TIAM1: variants seen among roughly 807,000 people sequenced by gnomAD.
TIAM1 encodes TIAM Rac1 associated GEF 1.
A neutral mutation model predicts 163.5 loss-of-function variants in TIAM1; 65 were observed. The ratio of observed to expected loss-of-function variants is 0.40; its 90% CI spans 0.33 to 0.49. The LOEUF is 0.49. TIAM1 is among the 20% of genes least tolerant of loss of function. The pLI, the probability that TIAM1 is intolerant of heterozygous loss-of-function variation, is 0.77. For missense variants in TIAM1, 1,789 were observed against 2,044.7 expected, an observed-to-expected ratio of 0.87 and a Z score of 2.41; for synonymous variants, 833 against 810.1, an observed-to-expected ratio of 1.03 and a Z score of -0.48.
chr21:31,422,117 A>T (rs1391189525), intron 2 of TIAM1, among the ~76,000 whole-genome samples: 1 of 152,144 alleles, frequency 6.6e-6, no homozygotes, highest in Non-Finnish European at 1.5e-5. Flanking sequence ...CTGCGAGAGA[A>T]TATATTCCTG....
At chr21:31,370,351 T>C (rs1165545550) in intron 2 of TIAM1, among the ~76,000 whole-genome samples, 2 of 152,238 alleles carry the variant, frequency 1.3e-5, no homozygotes, top group Non-Finnish European at 2.9e-5. Flanking sequence ...TTTTATTTTT[T>C]GAACCCAGAC....
Position 31,154,425 on chromosome 21 carries a change from C to T in TIAM1, c.2993G>A (p.Ser998Asn), listed in dbSNP as rs772372343. The change falls in exon 17 of 28, where the codon AGT (serine) becomes AAT (asparagine). Residue 998 changes from serine to asparagine, a missense_variant and splice_region_variant. By Grantham distance (46) the Ser-to-Asn change is conservative. Coordinates refer to ENST00000541036, the MANE Select transcript of TIAM1 (RefSeq NM_001353694.2). ...GCAAAATGCGGCCACCTGTTCTGTACTCTTCGGAGCACAGGGGGGAAGGGA... is the reference window on the plus strand; with the variant it reads ...GCAAAATGCGGCCACCTGTTCTGTATTCTTCGGAGCACAGGGGGGAAGGGA... ...SSDETDHSSKSTEQVAAFCRS... is the reference protein window; with the variant it reads ...SSDETDHSSKNTEQVAAFCRS... 2 of 1,612,616 alleles carry T rather than the reference C, an allele frequency of 1.2e-6. No individual in the cohort carries two copies. Among genetic ancestry groups the T allele is most frequent in the Non-Finnish European group, 1.7e-6 (2 of 1,178,994 alleles).
At chr21:31,555,042 TCGTGTACCC>T (rs1357010686) in intron 1 of TIAM1, among the ~76,000 whole-genome samples, 1 of 152,186 alleles carries the variant, frequency 6.6e-6, no homozygotes, top group Non-Finnish European at 1.5e-5. Flanking sequence ...ACTATTAATA[TCGTGTACCC>T]TTTTACACTA....
At chr21:31,465,114 C>T (rs2045476500) in intron 1 of TIAM1, among the ~76,000 whole-genome samples, 4 of 151,530 alleles carry the variant, frequency 2.6e-5, no homozygotes, top group Admixed American at 2.6e-4. Flanking sequence ...GAGAGGATTC[C>T]CTCAACCTGG....
intron 2 of TIAM1, among the ~76,000 whole-genome samples, chr21:31,386,902 T>G (rs1602152769): frequency 6.6e-6 from 1 of 152,184 alleles, no homozygotes; most frequent in Non-Finnish European, 1.5e-5. Flanking sequence ...CTGCGGAAGG[T>G]CCTTGGTTTC....
At chr21:31,529,376 A>G (rs1279212489) in intron 1 of TIAM1, among the ~76,000 whole-genome samples, 1 of 152,160 alleles carries the variant, frequency 6.6e-6, no homozygotes, top group African/African-American at 2.4e-5. Context: ...TAACTAATGT[A>G]ATTATGGGTT....
chr21:31,120,205 TG>T lies in TIAM1; in HGVS notation c.*162del, dbSNP rs2081946106. 4.8e-6 allele frequency: 3 copies of T among 625,264 alleles called. No homozygotes were observed. Among genetic ancestry groups the T allele is most frequent in the Non-Finnish European group, 5.4e-6 (2 of 368,806 alleles). 38.7% of individuals were successfully genotyped at this position (625,264 alleles called of 1,614,324 possible). On this transcript the variant is annotated 3_prime_UTR_variant, in exon 28 of 28. Coordinates refer to ENST00000541036, the MANE Select transcript of TIAM1 (RefSeq NM_001353694.2). This position sits in a 1 kb window ranked among gnomAD's most constrained non-coding sequence, Gnocchi z 4.2. ...CAATTCTTTCTGATGTTGTTGAAAA[TG>T]ACAAAGTTGGGTGGCTACATGGCTT...
At chr21:31,376,237 A>G (rs1305854909) in intron 2 of TIAM1, among the ~76,000 whole-genome samples, 1 of 152,098 alleles carries the variant, frequency 6.6e-6, no homozygotes, top group Non-Finnish European at 1.5e-5. Flanking sequence ...TCACACACGC[A>G]TGTACACATG....
chr21:31,183,304 A>C (rs1218095368), intron 14 of TIAM1, among the ~76,000 whole-genome samples: 1 of 152,216 alleles, frequency 6.6e-6, no homozygotes, highest in African/African-American at 2.4e-5. Context: ...TTTGGGACCC[A>C]AGGGAACGAC....
intron 2 of TIAM1, among the ~76,000 whole-genome samples, chr21:31,414,292 G>T (rs2043301584): frequency 6.6e-6 from 1 of 152,122 alleles, no homozygotes; most frequent in Non-Finnish European, 1.5e-5. Context: ...GTGTCCGTAA[G>T]AAAAGCATAA....
At position 31,256,228 on chromosome 21, in the gene TIAM1, G is replaced by A. The variant is rs562849267; in HGVS notation, c.964-4039C>T. Among the ~76,000 whole-genome samples, 9 of 152,278 alleles carry A rather than the reference G, an allele frequency of 5.9e-5. No homozygotes were observed. The South Asian group carries it at 1.9e-3, about 32-fold the overall frequency. ...ACTTCAAATACTACCAAAGGGAGAG[G>A]TTTTCTGTGCTAATGATGTGCGAAC... On this transcript the variant is annotated intron_variant, in intron 4 of 27. Transcript: ENST00000541036.
intron 22 of TIAM1, among the ~76,000 whole-genome samples, chr21:31,139,215 C>A (rs1051218959): frequency 6.6e-6 from 1 of 152,090 alleles, no homozygotes; most frequent in Non-Finnish European, 1.5e-5. Context: ...GCCTTCTAAT[C>A]TTTAGCATCA....
At chr21:31,490,996 G>A (rs142140778) in intron 1 of TIAM1, among the ~76,000 whole-genome samples, 9,065 of 152,248 alleles carry the variant, frequency 0.06, 903 homozygotes, top group African/African-American at 0.2. Context: ...GTGGTGGTGC[G>A]TGCCTGTAAT....
In TIAM1 at chr21:31,395,935, C is replaced by A. The variant is rs1306256847; in HGVS notation, c.-368-56513G>T. On this transcript the variant is annotated intron_variant, in intron 2 of 28. Coordinates refer to the TIAM1 transcript ENST00000286827. This position sits in a 1 kb window ranked among gnomAD's most constrained non-coding sequence, Gnocchi z 7.5. ...CTGTCTAGCAAATGAGGGCATCATTCTTCCTCTAGATTTAAAATTCAACAG... is the reference window on the plus strand; with the variant it reads ...CTGTCTAGCAAATGAGGGCATCATTATTCCTCTAGATTTAAAATTCAACAG... Among the ~76,000 whole-genome samples the A allele has an allele frequency of 1.3e-5, 2 of 152,182 alleles. No individual in the cohort carries two copies. Among genetic ancestry groups the A allele is most frequent in the Admixed American group, 6.5e-5 (1 of 15,274 alleles).
At position 31,395,067 on chromosome 21, in the gene TIAM1, G is replaced by A. The variant is rs1056605103; in HGVS notation, c.-368-55645C>T. Among the ~76,000 whole-genome samples, 10 of 152,020 alleles carry A rather than the reference G, an allele frequency of 6.6e-5. No homozygotes were observed. The highest frequency in any genetic ancestry group is 2.1e-4 in the South Asian group (1 of 4,824). Reference sequence around the variant, plus strand: ...AGCCTGGCCAACACAGTGAAACCCCGTATCTACCAAAAATACAAACATTAG... The same window carrying A: ...AGCCTGGCCAACACAGTGAAACCCCATATCTACCAAAAATACAAACATTAG... On this transcript the variant is annotated intron_variant, in intron 2 of 28. Coordinates refer to the TIAM1 transcript ENST00000286827. This position sits in a 1 kb window ranked among gnomAD's most constrained non-coding sequence, Gnocchi z 7.5.
At position 31,217,666 on chromosome 21, in the gene TIAM1, T is replaced by C; in HGVS notation, c.2029A>G (p.Arg677Gly). The C allele has an allele frequency of 6.2e-7, 1 of 1,613,830 alleles. No individual in the cohort carries two copies. Among genetic ancestry groups the C allele is most frequent in the Non-Finnish European group, 8.5e-7 (1 of 1,179,858 alleles). The stretch of plus-strand genomic sequence containing the variant: ...GATCTGGACATGGCCTGAGTACGTC[T>C]TCTCACTCCAGTTTCACCAGTGCGT... ...AARTGETGVR[R>G]RTQAMSRSAS... Residue 677 changes from arginine (R) to glycine (G), a missense_variant, in exon 9 of 28, where the codon AGA (arginine) becomes GGA (glycine). Around this residue, in one of 5 missense-constraint regions of TIAM1, gnomAD observed 456 missense variants for 586.6 expected, o/e 0.78. Coordinates refer to ENST00000541036, the MANE Select transcript of TIAM1 (RefSeq NM_001353694.2).
chr21:31,162,636 C>G (rs1002654568), intron 16 of TIAM1, among the ~76,000 whole-genome samples: 1 of 148,532 alleles, frequency 6.7e-6, no homozygotes, highest in Non-Finnish European at 1.5e-5. Context: ...ACCCAAACTT[C>G]TTAATCTTTT....
At chr21:31,185,400 CTATATAATTATATATAATTATGT>C (rs1285379148) in intron 14 of TIAM1, among the ~76,000 whole-genome samples, 5 of 139,346 alleles carry the variant, frequency 3.6e-5, no homozygotes, top group East Asian at 2.0e-4. Context: ...TATAATTATG[CTATATAATTATATATAATTATGT>C]TATATAATTA....
intron 23 of TIAM1, among the ~76,000 whole-genome samples, chr21:31,133,326 T>C (rs1029877576): frequency 2.0e-4 from 30 of 152,326 alleles, no homozygotes; most frequent in South Asian, 6.2e-4. Flanking sequence ...ACACGTCTTG[T>C]ACCTCAGAGC....
Sources: gnomAD v4.1 joint callset for allele counts (sites outside exome capture counted in the v4.1 genomes callset) on GRCh38, gnomAD v4.1.1 for gene constraint, gnomAD v4.1.1 regional missense constraint, Gnocchi (gnomAD v3.1) non-coding constraint, MANE v1.5 for transcripts, NCBI Gene and HGNC (gene_info 2026-07-23, HGNC 2026-07-21) for gene names.